MAPT: variants seen among roughly 807,000 people sequenced by gnomAD.
MAPT encodes the protein microtubule associated protein tau, also known as microtubule-associated protein tau.
Under a neutral mutation model 67.9 loss-of-function variants are expected in MAPT, and 34 were observed. The ratio of observed to expected loss-of-function variants is 0.50; its 90% CI spans 0.38 to 0.67. The LOEUF is 0.67. Among genes scored for constraint, MAPT ranks in the 30% least tolerant of loss-of-function variants. The probability of loss-of-function intolerance (pLI) is 0.00; values close to 1 mark genes in which losing one functional copy is unlikely to be tolerated. For synonymous variants in MAPT, 456 were observed against 464.5 expected, an observed-to-expected ratio of 0.98 and a Z score of 0.23; for missense variants, 881 against 1,115.2, an observed-to-expected ratio of 0.79 and a Z score of 2.99.
chr17:45,952,070 G>C (rs146598254), intron 1 of MAPT, among the ~76,000 whole-genome samples: 5 of 152,280 alleles, frequency 3.3e-5, no homozygotes, highest in African/African-American at 1.2e-4. Context: ...TGTGTGTCTC[G>C]CTTAGATTAC....
At chr17:45,954,734 A>G (rs1372293516) in intron 1 of MAPT, among the ~76,000 whole-genome samples, 1 of 152,168 alleles carries the variant, frequency 6.6e-6, no homozygotes, top group African/African-American at 2.4e-5. Flanking sequence ...TAATCCCAGC[A>G]CTTTGGGAGG....
chr17:45,914,865 C>T (rs1435009924), intron 1 of MAPT, among the ~76,000 whole-genome samples: 1 of 151,522 alleles, frequency 6.6e-6, no homozygotes, highest in African/African-American at 2.4e-5. Context: ...GGACTATAGG[C>T]ACGCATACCA....
rs570071071 is a variant in MAPT, at chr17:45,971,772, A to C, written c.134-87A>C. On this transcript the variant is annotated intron_variant, in intron 2 of 12. Coordinates refer to ENST00000262410, the MANE Select transcript of MAPT (RefSeq NM_001377265.1). The surrounding 1 kb of genome is among the most constrained non-coding windows in gnomAD (Gnocchi z 4.3). ...CACAGGGAGCGATTTTCAGCTCCAC[A>C]GGACACTGCTCCCCAGTTCCTCCTG... 224 of 973,082 alleles carry C rather than the reference A, an allele frequency of 2.3e-4. 1 individual carries two copies. The African/African-American group carries it at 3.3e-3, about 14-fold the overall frequency. 60.3% of individuals were successfully genotyped at this position (973,082 alleles called of 1,614,324 possible).
rs562958995 is a variant in MAPT at position 45,904,276 on chromosome 17, A to G, written c.-18+9590A>G. Among the ~76,000 whole-genome samples the G allele has an allele frequency of 3.8e-3, 208 of 54,056 alleles. 10 individuals carry two copies. In the South Asian group the frequency reaches 0.083, roughly 21 times the overall value. 35.5% of individuals were successfully genotyped at this position (54,056 alleles called of 152,430 possible). ...TATATTATATATTATATATATTTTT[A>G]TATATATAATATGTATAATATATAA... On this transcript the variant is annotated intron_variant, in intron 1 of 12. Coordinates refer to ENST00000262410, the MANE Select transcript of MAPT (RefSeq NM_001377265.1).
In MAPT at chr17:46,024,329, G is replaced by A; in HGVS notation, c.*158G>A. On this transcript the variant is annotated 3_prime_UTR_variant, in exon 13 of 13. Transcript: ENST00000262410. ...TAACCTGCTTTTGTCACTCGGCTTT[G>A]GCTCGGGACTTCAAAATCAGTGATG... 1.4e-6 allele frequency: 1 copy of A among 700,516 alleles called. No homozygotes were observed. The highest frequency in any genetic ancestry group is 2.5e-6 in the Non-Finnish European group (1 of 399,216). The allele number at this position is 700,516 out of a possible 1,614,324, so 43.4% of individuals were successfully genotyped here.
chr17:45,914,723 CTTTTT>C (rs72448143), intron 1 of MAPT, among the ~76,000 whole-genome samples: 1 of 142,696 alleles, frequency 7.0e-6, no homozygotes, highest in Non-Finnish European at 1.5e-5. Flanking sequence ...TACTTTTTAC[CTTTTT>C]TTTTTTTTTT....
chr17:46,015,245 A>G (rs1598397483), intron 11 of MAPT, among the ~76,000 whole-genome samples: 1 of 152,040 alleles, frequency 6.6e-6, no homozygotes, highest in Admixed American at 6.5e-5. Flanking sequence ...CTGTAATCCC[A>G]GCTACTCGGG....
intron 1 of MAPT, among the ~76,000 whole-genome samples, chr17:45,920,202 G>A (rs72836305): frequency 3.3e-5 from 5 of 152,274 alleles, no homozygotes; most frequent in African/African-American, 4.8e-5. Flanking sequence ...TCTTTTGTTT[G>A]GGGGGATGGA....
chr17:46,007,884 G>T (rs2075558126), intron 9 of MAPT, among the ~76,000 whole-genome samples: 2 of 152,066 alleles, frequency 1.3e-5, no homozygotes, highest in South Asian at 2.1e-4. Flanking sequence ...TCAGAAAGAG[G>T]TTCATGGGAG....
intron 1 of MAPT, among the ~76,000 whole-genome samples, chr17:45,911,943 G>A (rs1024141777): frequency 6.6e-6 from 1 of 152,172 alleles, no homozygotes; most frequent in Non-Finnish European, 1.5e-5. Context: ...TGTACTGTTT[G>A]CCATGATCTG....
chr17:46,005,232 A>G (rs1162738468), intron 9 of MAPT, among the ~76,000 whole-genome samples: 1 of 152,230 alleles, frequency 6.6e-6, no homozygotes, highest in Non-Finnish European at 1.5e-5. Flanking sequence ...AGATAAGGAG[A>G]GTTAAATAAC....
intron 3 of MAPT, chr17:45,973,111 G>T (rs1461287530): frequency 1.3e-5 from 2 of 152,140 alleles, no homozygotes; most frequent in East Asian, 3.8e-4. Flanking sequence ...GTGAAAAACT[G>T]GCCCAAGTGT....
At chr17:45,959,594 G>A (rs571808734) in intron 1 of MAPT, among the ~76,000 whole-genome samples, 194 of 152,040 alleles carry the variant, frequency 1.3e-3, no homozygotes, top group Non-Finnish European at 1.6e-3. Context: ...GATCACCTGA[G>A]GTCTGGTGAA....
chr17:45,941,741 T>TCCTGCCTTCCTTCCTGCCTG (rs1437398512), intron 1 of MAPT, among the ~76,000 whole-genome samples: 21 of 129,530 alleles, frequency 1.6e-4, no homozygotes, highest in Non-Finnish European at 3.2e-4. Context: ...CTTCCTTCCT[T>TCCTGCCTTCCTTCCTGCCTG]CCTTCCTTCC....
chr17:45,974,882 G>A (rs59051103), intron 3 of MAPT: 6,147 of 249,706 alleles, frequency 0.025, 390 homozygotes, highest in African/African-American at 0.13. Context: ...TCACCTGAGC[G>A]CACAGAGGGT....
chr17:45,937,323 C>G (rs1413622348), intron 1 of MAPT, among the ~76,000 whole-genome samples: 1 of 152,142 alleles, frequency 6.6e-6, no homozygotes, highest in Non-Finnish European at 1.5e-5. Flanking sequence ...AACAGTGGCT[C>G]ATGCCTGCAA....
chr17:45,910,824 G>GCC (rs2064736081), intron 1 of MAPT: 1 of 152,168 alleles, frequency 6.6e-6, no homozygotes, highest in Non-Finnish European at 1.5e-5. Flanking sequence ...GAACTGGGGA[G>GCC]CTGGGGGTGC....
At chr17:46,014,176 C>T in intron 10 of MAPT, 67 bp from the exon 11 acceptor site, 1 of 904,688 alleles carries the variant, frequency 1.1e-6, no homozygotes, top group Non-Finnish European at 1.8e-6. Flanking sequence ...CCATTTTATC[C>T]TTTTTGTCTC....
intron 1 of MAPT, among the ~76,000 whole-genome samples, chr17:45,928,207 C>T (rs754114271): frequency 6.6e-6 from 1 of 152,186 alleles, no homozygotes; most frequent in African/African-American, 2.4e-5. Flanking sequence ...CTGGCACCAC[C>T]TCATCTTCCA....
Sources: gnomAD v4.1 joint callset for allele counts (sites outside exome capture counted in the v4.1 genomes callset) on GRCh38, gnomAD v4.1.1 for gene constraint, Gnocchi (gnomAD v3.1) non-coding constraint, MANE v1.5 for transcripts, NCBI Gene and HGNC (gene_info 2026-07-23, HGNC 2026-07-21) for gene names.